The following LMBR1 variants were observed in gnomAD, a reference collection of about 807,000 sequenced individuals.
LMBR1 encodes the protein limb region 1 protein homolog.
A neutral mutation model predicts 73.9 loss-of-function variants in LMBR1; 52 were observed. That is an observed-to-expected ratio of 0.70 (90% CI 0.56 to 0.89). The LOEUF is 0.89. Among genes scored for constraint, LMBR1 ranks in the 40% least tolerant of loss-of-function variants. The pLI is 0.00. For synonymous variants in LMBR1, 215 were observed against 209.4 expected (o/e 1.03, Z -0.23); for missense variants, 539 against 579.8 (o/e 0.93, Z 0.72).
intron 9 of LMBR1, among the ~76,000 whole-genome samples, chr7:156,751,301 G>A (rs536038055): frequency 4.6e-5 from 7 of 152,260 alleles, no homozygotes; most frequent in Admixed American, 1.3e-4. Flanking sequence ...ACTCCAGAGT[G>A]GGGGAAAGCT....
chr7:156,872,124 T>A (rs1177769121), intron 1 of LMBR1: 1 of 152,122 alleles, frequency 6.6e-6, no homozygotes, highest in Non-Finnish European at 1.5e-5. Context: ...TTATCTGAGG[T>A]GTGATTACTG....
At chr7:156,858,128 A>G (rs968774926) in intron 1 of LMBR1, among the ~76,000 whole-genome samples, 2 of 151,894 alleles carry the variant, frequency 1.3e-5, no homozygotes, top group Non-Finnish European at 2.9e-5. Context: ...CAGGAAATCA[A>G]TTTTAAAATT....
chr7:156,701,792 G>A (rs879186794), intron 15 of LMBR1, among the ~76,000 whole-genome samples: 3 of 152,102 alleles, frequency 2.0e-5, no homozygotes, highest in East Asian at 1.9e-4. Context: ...TCCCTCCCCC[G>A]ACCAAGGCCC....
At chr7:156,736,975 C>T (rs1284012217) in intron 9 of LMBR1, among the ~76,000 whole-genome samples, 1 of 152,110 alleles carries the variant, frequency 6.6e-6, no homozygotes, top group Non-Finnish European at 1.5e-5. Context: ...TTAGACCTGC[C>T]CACCCCAGAT....
Position 156,795,050 on chromosome 7 carries a change from G to A in LMBR1, c.423+1339C>T, listed in dbSNP as rs1278692203. On this transcript the variant is annotated intron_variant, in intron 5 of 16. Transcript: ENST00000353442. ...CCTCCAGAATTCGACCCTGGCAAGCGGCTTGTGCACCCTCATCTCTCACCA... is the reference window on the plus strand; with the variant it reads ...CCTCCAGAATTCGACCCTGGCAAGCAGCTTGTGCACCCTCATCTCTCACCA... Among the ~76,000 whole-genome samples the A allele has an allele frequency of 2.0e-5, 3 of 152,182 alleles. No homozygotes were observed. The East Asian group carries it at 5.8e-4, about 29-fold the overall frequency.
At chr7:156,756,591 C>CA (rs958142370) in intron 8 of LMBR1, 126 bp from the exon 9 acceptor site, 9 of 589,870 alleles carry the variant, frequency 1.5e-5, no homozygotes, top group Admixed American at 9.7e-5. Context: ...GAACACAAAA[C>CA]AAAAAAACTC....
chr7:156,861,876 G>A (rs1207898718), intron 1 of LMBR1, among the ~76,000 whole-genome samples: 3 of 152,156 alleles, frequency 2.0e-5, no homozygotes, highest in Non-Finnish European at 2.9e-5. Context: ...GGATTCCACT[G>A]TCCATATCAT....
chr7:156,738,036 T>C (rs1818213557), intron 9 of LMBR1, among the ~76,000 whole-genome samples: 1 of 152,188 alleles, frequency 6.6e-6, no homozygotes. Flanking sequence ...GCACTCACAG[T>C]ACCTGGTTTT....
chr7:156,763,726 C>T lies in LMBR1; in HGVS notation c.493G>A (p.Val165Met). The T allele has an allele frequency of 6.2e-7, 1 of 1,606,154 alleles. No homozygotes were observed. The highest frequency in any genetic ancestry group is 8.5e-7 in the Non-Finnish European group (1 of 1,178,290). ...TCAATGAGTGCTGAAGCTACCCACA[C>T]TATCCCAAGAATGAGTAACGCAAGA... is the stretch of plus-strand genomic sequence containing the variant. ...LLLALLILGIVWVASALIDND... is the reference protein window; with the variant it reads ...LLLALLILGIMWVASALIDND... Residue 165 changes from valine to methionine, a missense_variant, in exon 6 of 17, where the codon GTG becomes ATG. By Grantham distance (21) the Val-to-Met change is conservative. Around this residue, in one of 3 missense-constraint regions of LMBR1, gnomAD observed 454 missense variants for 473.4 expected, o/e 0.96. Transcript: ENST00000353442.
chr7:156,858,221 C>T (rs1166415617), intron 1 of LMBR1, among the ~76,000 whole-genome samples: 1 of 151,732 alleles, frequency 6.6e-6, no homozygotes, highest in Non-Finnish European at 1.5e-5. Context: ...AAAAAGAACA[C>T]AAATTACTAA....
At position 156,670,256 on chromosome 7, in the gene LMBR1, T is replaced by C. The variant is rs1400349075; in HGVS notation, n.867-969A>G. Among the ~76,000 whole-genome samples, 1 of 152,206 alleles carries C rather than the reference T, an allele frequency of 6.6e-6. No homozygotes were observed. The highest frequency in any genetic ancestry group is 6.5e-5 in the Admixed American group (1 of 15,284). Reference sequence around the variant, plus strand: ...AGAGGAGCTGGATGCTAAGCACGGCTGGCTCTACTGTTTTGACTTTGGCTC... The same window carrying C: ...AGAGGAGCTGGATGCTAAGCACGGCCGGCTCTACTGTTTTGACTTTGGCTC... On this transcript the variant is annotated intron_variant and non_coding_transcript_variant, in intron 4 of 4. Coordinates refer to the LMBR1 transcript ENST00000430825. The surrounding 1 kb of genome is among the most constrained non-coding windows in gnomAD (Gnocchi z 4.3).
chr7:156,725,883 T>G (rs1190974977), intron 12 of LMBR1, 46 bp from the exon 13 acceptor site: 2 of 1,452,710 alleles, frequency 1.4e-6, no homozygotes, highest in Non-Finnish European at 9.6e-7. Flanking sequence ...GACACCATTA[T>G]ATTGGTTTCC....
chr7:156,816,120 G>A (rs1345634258), intron 4 of LMBR1, among the ~76,000 whole-genome samples: 3 of 152,024 alleles, frequency 2.0e-5, no homozygotes, highest in African/African-American at 7.2e-5. Flanking sequence ...TATCTCTTCT[G>A]ACTAACCAAT....
At chr7:156,722,013 C>CACCAA (rs11282896) in intron 15 of LMBR1, among the ~76,000 whole-genome samples, 103,006 of 148,350 alleles carry the variant, frequency 0.69, 35,699 homozygotes, top group African/African-American at 0.83. Context: ...GCAAAAACAT[C>CACCAA]ATCATTTCTT....
chr7:156,836,705 G>A (rs1586131767), intron 2 of LMBR1, 108 bp downstream of exon 2: 5 of 629,286 alleles, frequency 7.9e-6, no homozygotes, highest in Middle Eastern at 3.4e-4. Context: ...TTCAATCACC[G>A]GCATATTCAA....
chr7:156,686,562 TA>T (rs1563132439), intron 16 of LMBR1, among the ~76,000 whole-genome samples: 1 of 152,190 alleles, frequency 6.6e-6, no homozygotes, highest in East Asian at 1.9e-4. Flanking sequence ...GGAAGAAAAG[TA>T]AATGTATCTA....
chr7:156,811,534 G>A (rs1298874086), intron 4 of LMBR1, among the ~76,000 whole-genome samples: 2 of 152,080 alleles, frequency 1.3e-5, no homozygotes, highest in African/African-American at 2.4e-5. Context: ...ACCTAAACCC[G>A]GGAGGCGGAG....
intron 5 of LMBR1, among the ~76,000 whole-genome samples, chr7:156,789,146 C>T (rs1004479506): frequency 1.3e-5 from 2 of 152,202 alleles, no homozygotes; most frequent in Non-Finnish European, 2.9e-5. Flanking sequence ...TAAAACTGAT[C>T]ATTTCAATAT....
chr7:156,837,446 C>T (rs1837864882), intron 1 of LMBR1, among the ~76,000 whole-genome samples: 1 of 149,950 alleles, frequency 6.7e-6, no homozygotes. Context: ...CTTTTCTTTC[C>T]GTAACTTGAT....
Sources: gnomAD v4.1 joint callset for allele counts (sites outside exome capture counted in the v4.1 genomes callset) on GRCh38, gnomAD v4.1.1 for gene constraint, gnomAD v4.1.1 regional missense constraint, Gnocchi (gnomAD v3.1) non-coding constraint, MANE v1.5 for transcripts, NCBI Gene and HGNC (gene_info 2026-07-23, HGNC 2026-07-21) for gene names.